The following NALCN variants were observed in gnomAD, a reference collection of about 807,000 sequenced individuals.
The protein encoded by NALCN is sodium leak channel, non-selective, also known as sodium leak channel NALCN.
Under a neutral mutation model 225.3 loss-of-function variants are expected in NALCN, and 111 were observed. That is an observed-to-expected ratio of 0.49 (90% CI 0.42 to 0.58). The LOEUF (loss-of-function observed/expected upper bound fraction) is 0.58, where lower values mean the gene tolerates loss of function less well. Ranked by LOEUF, NALCN falls within the 20% of genes least tolerant of loss-of-function variation. NALCN has a pLI of 0.00. For missense variants in NALCN, 1,378 were observed against 2,202.4 expected (o/e 0.63, Z 7.49); for synonymous variants, 764 against 769.0 (o/e 0.99, Z 0.11).
At chr13:101,214,129 G>A (rs1240031225) in intron 13 of NALCN, among the ~76,000 whole-genome samples, 4 of 152,198 alleles carry the variant, frequency 2.6e-5, no homozygotes, top group Admixed American at 1.3e-4. Context: ...AAATGGATGA[G>A]TTCATGTCCT....
intron 15 of NALCN, among the ~76,000 whole-genome samples, chr13:101,172,884 G>A (rs2038797951): frequency 6.6e-6 from 1 of 151,616 alleles, no homozygotes. Flanking sequence ...CCATTTTAGA[G>A]CGAACAGGCC....
intron 7 of NALCN, among the ~76,000 whole-genome samples, chr13:101,327,257 T>G (rs970087929): frequency 1.3e-5 from 2 of 152,206 alleles, no homozygotes; most frequent in African/African-American, 2.4e-5. Flanking sequence ...TTTATTGTAT[T>G]TTAACAAATG....
In NALCN at chr13:101,070,223, T is replaced by C. The variant is rs1417024069; in HGVS notation, c.4198-1396A>G. ...CTGAGTCTACAGGCGCCCACCACCA[T>C]GCCCGGCTAATTTTTTGTATCTTTA... On this transcript the variant is annotated intron_variant, in intron 37 of 43. Coordinates refer to ENST00000251127, the MANE Select transcript of NALCN (RefSeq NM_052867.4). Among the ~76,000 whole-genome samples the C allele has an allele frequency of 2.0e-5, 3 of 152,032 alleles. No individual in the cohort carries two copies. The East Asian group carries it at 5.8e-4, about 29-fold the overall frequency.
intron 26 of NALCN, 89 bp from the exon 27 acceptor site, chr13:101,100,977 A>C: frequency 1.0e-6 from 1 of 964,652 alleles, no homozygotes; most frequent in South Asian, 2.1e-5. Context: ...GACTTCTAAG[A>C]TAACATTGTA....
At chr13:101,150,542 C>T (rs2037596656) in intron 15 of NALCN, among the ~76,000 whole-genome samples, 2 of 151,984 alleles carry the variant, frequency 1.3e-5, no homozygotes, top group Admixed American at 6.6e-5. Context: ...TGGGAGTAGA[C>T]AGGGTGTGTG....
intron 4 of NALCN, among the ~76,000 whole-genome samples, chr13:101,378,027 C>T (rs755879463): frequency 6.6e-6 from 1 of 151,970 alleles, no homozygotes; most frequent in Admixed American, 6.6e-5. Flanking sequence ...TGGCTAATAC[C>T]TATCCAAATA....
intron 10 of NALCN, among the ~76,000 whole-genome samples, chr13:101,268,897 C>T (rs868348061): frequency 2.0e-5 from 3 of 152,106 alleles, no homozygotes; most frequent in African/African-American, 7.2e-5. Context: ...CTTAAAATCT[C>T]CTGGTTTCCT....
At chr13:101,283,314 G>A (rs947050733) in intron 10 of NALCN, among the ~76,000 whole-genome samples, 27 of 152,086 alleles carry the variant, frequency 1.8e-4, no homozygotes, top group African/African-American at 6.3e-4. Flanking sequence ...GGAGTTTATT[G>A]GGCCTTATTG....
intron 9 of NALCN, among the ~76,000 whole-genome samples, chr13:101,291,731 G>A (rs1266504481): frequency 6.6e-6 from 1 of 151,928 alleles, no homozygotes; most frequent in Non-Finnish European, 1.5e-5. Flanking sequence ...AAATTTTTTT[G>A]TAGAGACAGG....
intron 7 of NALCN, among the ~76,000 whole-genome samples, chr13:101,316,572 C>A (rs529307556): frequency 1.3e-5 from 2 of 152,262 alleles, no homozygotes; most frequent in African/African-American, 4.8e-5. Flanking sequence ...AAGAAAGTTT[C>A]CATTTTCTTA....
Position 101,144,647 on chromosome 13 carries a change from A to G in NALCN, c.1976+113T>C, listed in dbSNP as rs537227853. ...TAGAGGTAGTAGAAAGATGACAATA[A>G]AATAGAAAGAAACCCAACCCACATA... is the stretch of plus-strand genomic sequence containing the variant. On this transcript the variant is annotated intron_variant, in intron 16 of 43. Coordinates refer to ENST00000251127, the MANE Select transcript of NALCN (RefSeq NM_052867.4). The G allele has an allele frequency of 2.5e-4, 262 of 1,045,688 alleles. 1 individual carries two copies. The highest frequency in any genetic ancestry group is 6.6e-4 in the Middle Eastern group (2 of 3,016). 64.8% of individuals were successfully genotyped at this position (1,045,688 alleles called of 1,614,324 possible).
chr13:101,373,593 T>C (rs1052006573), intron 6 of NALCN, among the ~76,000 whole-genome samples: 1 of 152,174 alleles, frequency 6.6e-6, no homozygotes, highest in African/African-American at 2.4e-5. Context: ...TCAAAAACTC[T>C]TGGCACTATA....
Position 101,074,661 on chromosome 13 carries a change from AC to A in NALCN, c.3955del (p.Val1319Ter). 6.2e-7 allele frequency: 1 copy of A among 1,601,882 alleles called. No homozygotes were observed. Among genetic ancestry groups the A allele is most frequent in the Non-Finnish European group, 8.5e-7 (1 of 1,176,270 alleles). ...FRFFSICGKHVTLKMLLLTVV... is the reference protein window; with the variant it reads ...FRFFSICGKHXTLKMLLLTVV... ...TGTCAAGAGGAGCATCTTTAGCGTTACCTGGGGACCAGGGGTGGGAAGCGGG... is the reference window on the plus strand; with the variant it reads ...TGTCAAGAGGAGCATCTTTAGCGTTACTGGGGACCAGGGGTGGGAAGCGGG... On this transcript the variant is annotated frameshift_variant and splice_region_variant, in exon 36 of 44. Transcript: ENST00000251127. LOFTEE classifies it high-confidence loss of function.
In NALCN at chr13:101,156,776, T is replaced by A. The variant is rs541866045; in HGVS notation, c.1840-11880A>T. Among the ~76,000 whole-genome samples the A allele has an allele frequency of 3.3e-5, 5 of 152,312 alleles. No homozygotes were observed. In the East Asian group the frequency reaches 9.7e-4, roughly 29 times the overall value. ...AATGGTATTTACTATCAAATAAATA[T>A]GACACTTTAAATTAGAGGCATGGAA... On this transcript the variant is annotated intron_variant, in intron 15 of 43. Transcript: ENST00000251127.
At chr13:101,212,351 C>T (rs1331690869) in intron 13 of NALCN, among the ~76,000 whole-genome samples, 1 of 152,114 alleles carries the variant, frequency 6.6e-6, no homozygotes, top group Non-Finnish European at 1.5e-5. Flanking sequence ...AATACTCTCC[C>T]AAATGTCTTT....
At chr13:101,339,496 G>C (rs1362081130) in intron 7 of NALCN, among the ~76,000 whole-genome samples, 1 of 152,120 alleles carries the variant, frequency 6.6e-6, no homozygotes, top group Non-Finnish European at 1.5e-5. Flanking sequence ...GGAAGAAAGA[G>C]ACAGAAATAA....
rs148366251 is a variant in NALCN at position 101,069,992 on chromosome 13, G to A, written c.4198-1165C>T. On this transcript the variant is annotated intron_variant, in intron 37 of 43. Coordinates refer to ENST00000251127, the MANE Select transcript of NALCN (RefSeq NM_052867.4). ...GAACCCCTCAAAGTCATCCATAATG[G>A]CTGGAATCAACTTCTTCCAAATTCC... is the stretch of plus-strand genomic sequence containing the variant. 2.2e-3 allele frequency among the ~76,000 whole-genome samples: 329 copies of A among 150,916 alleles called. 8 individuals are homozygous for A. The South Asian group carries it at 0.036, about 17-fold the overall frequency.
intron 1 of NALCN, among the ~76,000 whole-genome samples, chr13:101,406,284 C>T (rs1044984399): frequency 6.6e-5 from 10 of 152,014 alleles, no homozygotes; most frequent in African/African-American, 9.7e-5. Flanking sequence ...CAAGATCATA[C>T]TACTGCCCCT....
rs1435858651 is a variant in NALCN, at chr13:101,332,416, A to AG, written c.799+12849_799+12850insC. Among the ~76,000 whole-genome samples the AG allele has an allele frequency of 6.1e-3, 912 of 149,200 alleles. 5 individuals are homozygous for AG. The highest frequency in any genetic ancestry group is 0.02 in the African/African-American group (810 of 40,344). Reference sequence around the variant, plus strand: ...CAAAGCCAAAAAAAAAAAAAAAAAAAAAAAGGAAAGCCTTAAAATTCGACT... The same window carrying AG: ...CAAAGCCAAAAAAAAAAAAAAAAAAAGAAAAGGAAAGCCTTAAAATTCGACT... On this transcript the variant is annotated intron_variant, in intron 7 of 43. Coordinates refer to ENST00000251127, the MANE Select transcript of NALCN (RefSeq NM_052867.4).
Sources: gnomAD v4.1 joint callset for allele counts (sites outside exome capture counted in the v4.1 genomes callset) on GRCh38, gnomAD v4.1.1 for gene constraint, MANE v1.5 for transcripts, NCBI Gene and HGNC (gene_info 2026-07-23, HGNC 2026-07-21) for gene names.